The following SLC7A2 variants were observed in gnomAD, a reference collection of about 807,000 sequenced individuals.
SLC7A2 encodes solute carrier family 7 member 2.
Under a neutral mutation model 58.9 loss-of-function variants are expected in SLC7A2, and 48 were observed. That is an observed-to-expected ratio of 0.82 (90% CI 0.65 to 1.04). The LOEUF is 1.04. Among genes scored for constraint, SLC7A2 ranks in the 50% least tolerant of loss-of-function variants. SLC7A2 has a pLI of 0.00. For missense variants in SLC7A2, 1,029 were observed against 818.8 expected (o/e 1.26, Z -3.13); for synonymous variants, 363 against 314.5 (o/e 1.15, Z -1.63).
intron 6 of SLC7A2, among the ~76,000 whole-genome samples, chr8:17,550,732 G>GAGTCATTATTACC (rs1429632242): frequency 6.6e-6 from 1 of 152,164 alleles, no homozygotes; most frequent in African/African-American, 2.4e-5. Context: ...TTATAAATGT[G>GAGTCATTATTACC]AGTCATTATT....
intron 2 of SLC7A2, among the ~76,000 whole-genome samples, chr8:17,516,762 G>T (rs940016653): frequency 6.6e-6 from 1 of 152,164 alleles, no homozygotes; most frequent in Non-Finnish European, 1.5e-5. Context: ...GAACTTAACT[G>T]GTCAGCACTT....
At position 17,569,741 on chromosome 8, in the gene SLC7A2, A is replaced by G. The variant is rs1169516023; in HGVS notation, c.*4595A>G. ...GTTATTGCTCAACCCAACTGGTAAC[A>G]CTGTTTGCTGGGAGCATTATACTTA... On this transcript the variant is annotated 3_prime_UTR_variant, in exon 13 of 13. Transcript: ENST00000494857. The G allele has an allele frequency of 6.6e-6, 1 of 152,138 alleles. No individual in the cohort carries two copies. The highest frequency in any genetic ancestry group is 1.5e-5 in the Non-Finnish European group (1 of 68,034). 9.4% of individuals were successfully genotyped at this position (152,138 alleles called of 1,614,324 possible).
chr8:17,530,875 A>G (rs1801423931), intron 2 of SLC7A2, among the ~76,000 whole-genome samples: 2 of 152,122 alleles, frequency 1.3e-5, no homozygotes, highest in South Asian at 2.1e-4. Flanking sequence ...TCCAGCCAGT[A>G]AGTAGATTCA....
intron 2 of SLC7A2, among the ~76,000 whole-genome samples, chr8:17,538,114 T>C (rs1801750997): frequency 6.6e-6 from 1 of 152,222 alleles, no homozygotes; most frequent in Non-Finnish European, 1.5e-5. Context: ...AATGCTTGCC[T>C]ATGTCTGGAT....
chr8:17,533,625 T>C (rs1176672373), intron 2 of SLC7A2, among the ~76,000 whole-genome samples: 2 of 152,240 alleles, frequency 1.3e-5, no homozygotes, highest in Admixed American at 6.5e-5. Context: ...AAAGTATTTC[T>C]CAGCTCTTCG....
chr8:17,560,617 G>A (rs1396092901), intron 10 of SLC7A2, 84 bp downstream of exon 10: 1 of 1,151,312 alleles, frequency 8.7e-7, no homozygotes, highest in East Asian at 2.4e-5. Flanking sequence ...AGAAAAGAGG[G>A]CCTAACATTG....
intron 6 of SLC7A2, 88 bp from the exon 7 acceptor site, chr8:17,551,675 TG>T: frequency 1.1e-6 from 1 of 946,442 alleles, no homozygotes; most frequent in Non-Finnish European, 1.7e-6. Flanking sequence ...AGAACTACCC[TG>T]GAGAAGAGGA....
chr8:17,542,447 T>C (rs1801952561), intron 2 of SLC7A2, among the ~76,000 whole-genome samples: 1 of 152,110 alleles, frequency 6.6e-6, no homozygotes, highest in Non-Finnish European at 1.5e-5. Context: ...GCCCATGAAT[T>C]CAAGACCAGC....
chr8:17,494,628 C>G (rs138644057), upstream of SLC7A2, among the ~76,000 whole-genome samples: 24 of 152,274 alleles, frequency 1.6e-4, no homozygotes, highest in African/African-American at 5.8e-4. Context: ...AAATTCGATT[C>G]TATTTTCTCT....
intron 12 of SLC7A2, 88 bp downstream of exon 12, chr8:17,563,799 C>CT (rs1018160568): frequency 8.2e-5 from 63 of 766,144 alleles, no homozygotes; most frequent in South Asian, 1.0e-4. Flanking sequence ...GGAATAAAGG[C>CT]TTTTTTTTCC....
Position 17,543,626 on chromosome 8 carries a change from C to G in SLC7A2, c.287C>G (p.Thr96Arg). 1 of 1,592,496 alleles carries G rather than the reference C, an allele frequency of 6.3e-7. No individual in the cohort carries two copies. Among genetic ancestry groups the G allele is most frequent in the Middle Eastern group, 1.7e-4 (1 of 5,916 alleles). Residue 96 changes from threonine (T) to arginine (R), a missense_variant, in exon 3 of 13, where the codon ACG becomes AGG. Transcript: ENST00000494857. The part of the protein sequence containing the change: ...YAEFGARVPK[T>R]GSAYLYTYVT... ...GAATTTGGGGCCCGTGTTCCCAAGACGGGGTCTGCATATTTGTACACCTAC... is the reference window on the plus strand; with the variant it reads ...GAATTTGGGGCCCGTGTTCCCAAGAGGGGGTCTGCATATTTGTACACCTAC...
intron 2 of SLC7A2, among the ~76,000 whole-genome samples, chr8:17,518,963 G>A (rs936702987): frequency 7.2e-5 from 11 of 152,140 alleles, no homozygotes; most frequent in African/African-American, 2.7e-4. Context: ...TGTGTCCTCA[G>A]TTGGTAGAGA....
intron 12 of SLC7A2, among the ~76,000 whole-genome samples, chr8:17,564,719 G>A (rs1803181602): frequency 6.6e-6 from 1 of 152,180 alleles, no homozygotes. Flanking sequence ...ACAATGGGGA[G>A]TGGCTGTAAA....
intron 2 of SLC7A2, among the ~76,000 whole-genome samples, chr8:17,526,617 G>T (rs1801232962): frequency 6.6e-6 from 1 of 152,106 alleles, no homozygotes; most frequent in African/African-American, 2.4e-5. Context: ...GTATGAGGAA[G>T]AGAGAAGAAG....
At chr8:17,562,977 C>A (rs73196196) in intron 11 of SLC7A2, among the ~76,000 whole-genome samples, 18,718 of 151,994 alleles carry the variant, frequency 0.12, 1,347 homozygotes, top group Non-Finnish European at 0.16. Flanking sequence ...CCCATCTCTA[C>A]AAAACAAACA....
intron 2 of SLC7A2, among the ~76,000 whole-genome samples, chr8:17,505,905 A>G (rs1800345957): frequency 6.6e-6 from 1 of 152,228 alleles, no homozygotes; most frequent in Admixed American, 6.5e-5. Flanking sequence ...ATGTAAAATA[A>G]CTAACCCATA....
chr8:17,543,007 G>GA (rs1801980757), intron 2 of SLC7A2, among the ~76,000 whole-genome samples: 1 of 152,078 alleles, frequency 6.6e-6, no homozygotes, highest in Non-Finnish European at 1.5e-5. Flanking sequence ...AACAAGAATG[G>GA]CAAATCTTTT....
At chr8:17,513,160 T>C (rs532716758) in intron 2 of SLC7A2, among the ~76,000 whole-genome samples, 79 of 152,310 alleles carry the variant, frequency 5.2e-4, no homozygotes, top group Admixed American at 5.0e-3. Context: ...TCAGTTTTTT[T>C]GGTCATATAA....
upstream of SLC7A2, among the ~76,000 whole-genome samples, chr8:17,495,204 G>C (rs991855840): frequency 1.3e-5 from 2 of 152,054 alleles, no homozygotes; most frequent in Admixed American, 1.3e-4. Context: ...GCCTCCTCGA[G>C]TGCCAGGGCA....
Sources: gnomAD v4.1 joint callset for allele counts (sites outside exome capture counted in the v4.1 genomes callset) on GRCh38, gnomAD v4.1.1 for gene constraint, MANE v1.5 for transcripts, NCBI Gene and HGNC (gene_info 2026-07-23, HGNC 2026-07-21) for gene names.